Variants in TET3 observed in about 807,000 individuals in gnomAD.
TET3 encodes the protein tet methylcytosine dioxygenase 3.
TET3 carries 19 observed loss-of-function variants against 141.4 expected under a neutral mutation model. That is an observed-to-expected ratio of 0.13 (90% confidence interval 0.09 to 0.20). TET3 has a LOEUF of 0.20. Among genes scored for constraint, TET3 ranks in the 10% least tolerant of loss-of-function variants. The probability of loss-of-function intolerance (pLI) is 1.00; values close to 1 mark genes in which losing one functional copy is unlikely to be tolerated. For synonymous variants in TET3, 1,043 were observed against 980.9 expected (o/e 1.06, Z -1.18); for missense variants, 1,874 against 2,356.9 (o/e 0.80, Z 4.24).
At chr2:74,071,027 C>T (rs751021942) in intron 4 of TET3, among the ~76,000 whole-genome samples, 3 of 152,132 alleles carry the variant, frequency 2.0e-5, no homozygotes, top group Non-Finnish European at 2.9e-5. Flanking sequence ...ATTGATTTCT[C>T]ACAGCTGTAG....
intron 3 of TET3, among the ~76,000 whole-genome samples, chr2:74,019,541 G>A (rs2105234367): frequency 6.6e-6 from 1 of 152,232 alleles, no homozygotes; most frequent in Admixed American, 6.5e-5. Flanking sequence ...TCCCAGTGGT[G>A]GGGTGCTCAT....
At chr2:74,006,952 G>GA (rs921564565) in intron 3 of TET3, among the ~76,000 whole-genome samples, 1 of 152,110 alleles carries the variant, frequency 6.6e-6, no homozygotes, top group African/African-American at 2.4e-5. Context: ...TATTCTCTAG[G>GA]ACTATTACCC....
chr2:74,051,826 CTT>C (rs1008470757), intron 4 of TET3, among the ~76,000 whole-genome samples: 3 of 152,210 alleles, frequency 2.0e-5, no homozygotes, highest in Non-Finnish European at 2.9e-5. Context: ...CAGTTGGACT[CTT>C]AACCACCATG....
chr2:74,113,006 C>CCA (rs780195901), downstream of TET3, among the ~76,000 whole-genome samples: 26 of 34,398 alleles, frequency 7.6e-4, no homozygotes, highest in South Asian at 1.5e-3. Context: ...GACTCCGTCT[C>CCA]AAAAAAAAAA....
the TET3 span, among the ~76,000 whole-genome samples, chr2:74,133,063 A>G: frequency 2.8e-5 from 4 of 142,762 alleles, no homozygotes; most frequent in African/African-American, 1.1e-4. Flanking sequence ...ATGCCTGGCT[A>G]ATTTTTGTAT....
At chr2:74,135,486 T>G in the TET3 span, 1 of 1,504,280 alleles carries the variant, frequency 6.6e-7, no homozygotes, top group Non-Finnish European at 9.2e-7. Context: ...TATGGAAATG[T>G]ATATGAGCAA....
chr2:74,086,782 C>A (rs1201396601), intron 6 of TET3, among the ~76,000 whole-genome samples: 2 of 133,954 alleles, frequency 1.5e-5, no homozygotes, highest in African/African-American at 5.8e-5. Context: ...CAGAGTAAGA[C>A]CCTGACTCTA....
chr2:74,077,251 C>A (rs6745576), intron 5 of TET3, among the ~76,000 whole-genome samples: 1 of 152,012 alleles, frequency 6.6e-6, no homozygotes, highest in Non-Finnish European at 1.5e-5. Context: ...CTCAGAGTCT[C>A]TAGAGGGTTT....
chr2:74,001,089 T>C (rs564567835), intron 2 of TET3, among the ~76,000 whole-genome samples: 1 of 152,160 alleles, frequency 6.6e-6, no homozygotes, highest in African/African-American at 2.4e-5. Flanking sequence ...TGAGCTGTGC[T>C]TAGGACACTG....
intron 3 of TET3, among the ~76,000 whole-genome samples, chr2:74,034,409 C>T (rs1313103969): frequency 6.6e-6 from 1 of 152,018 alleles, no homozygotes; most frequent in Non-Finnish European, 1.5e-5. Flanking sequence ...CCCTATCTCC[C>T]TTCTTCACCT....
chr2:74,017,430 T>C (rs1685789580), intron 3 of TET3, among the ~76,000 whole-genome samples: 2 of 152,228 alleles, frequency 1.3e-5, no homozygotes, highest in African/African-American at 4.8e-5. Context: ...CCACTGTTCT[T>C]CTCTCTGTTT....
At chr2:74,094,307 G>A (rs1001825504) in intron 10 of TET3, among the ~76,000 whole-genome samples, 10 of 152,310 alleles carry the variant, frequency 6.6e-5, no homozygotes, top group South Asian at 6.2e-4. Flanking sequence ...GGCTCCGAGC[G>A]GGGAGCAGGC....
chr2:74,077,266 A>T (rs1689563224), intron 5 of TET3, among the ~76,000 whole-genome samples: 1 of 152,224 alleles, frequency 6.6e-6, no homozygotes, highest in Non-Finnish European at 1.5e-5. Context: ...GGGTTTGTTA[A>T]AGCACAGATG....
At chr2:74,012,488 C>T (rs149957501) in intron 3 of TET3, among the ~76,000 whole-genome samples, 17 of 152,280 alleles carry the variant, frequency 1.1e-4, no homozygotes, top group Admixed American at 4.6e-4. Context: ...AGGACAGCTC[C>T]GAGGCAGGTG....
At chr2:74,075,248 G>T (rs1003111284) in intron 5 of TET3, among the ~76,000 whole-genome samples, 3 of 151,218 alleles carry the variant, frequency 2.0e-5, no homozygotes, top group Non-Finnish European at 4.4e-5. Flanking sequence ...ATACAGATAA[G>T]TGGAAAGTTG....
intron 4 of TET3, among the ~76,000 whole-genome samples, chr2:74,072,572 T>G (rs903854407): frequency 1.3e-5 from 2 of 152,210 alleles, no homozygotes; most frequent in African/African-American, 4.8e-5. Flanking sequence ...TCAGAACTTC[T>G]TTTATTTAAA....
rs1012626246 is a variant in TET3 at position 74,043,668 on chromosome 2, A to G, written c.361-2610A>G. The stretch of plus-strand genomic sequence containing the variant: ...ACAAAGCCTGGTGACATCAGAGAAC[A>G]TGGCCTGTTAGAAAAGCATGAGGGT... On this transcript the variant is annotated intron_variant, in intron 3 of 11. Coordinates refer to ENST00000409262, the MANE Select transcript of TET3 (RefSeq NM_001287491.2). 1.1e-3 allele frequency among the ~76,000 whole-genome samples: 174 copies of G among 152,274 alleles called. 3 individuals carry two copies. Among genetic ancestry groups the G allele is most frequent in the South Asian group, 6.2e-4 (3 of 4,828 alleles).
chr2:74,008,520 A>G (rs1032576961), intron 3 of TET3, among the ~76,000 whole-genome samples: 8 of 152,342 alleles, frequency 5.3e-5, no homozygotes, highest in Admixed American at 2.6e-4. Flanking sequence ...TATTCCATGC[A>G]GTGTTTGTTA....
At chr2:74,059,864 C>A (rs564092643) in intron 4 of TET3, among the ~76,000 whole-genome samples, 5 of 152,170 alleles carry the variant, frequency 3.3e-5, no homozygotes, top group Non-Finnish European at 7.4e-5. Flanking sequence ...TCTGCCCCGT[C>A]GTTCATTCTC....
Sources: gnomAD v4.1 joint callset for allele counts (sites outside exome capture counted in the v4.1 genomes callset) on GRCh38, gnomAD v4.1.1 for gene constraint, MANE v1.5 for transcripts, NCBI Gene and HGNC (gene_info 2026-07-23, HGNC 2026-07-21) for gene names.